CAND2: variants seen among roughly 807,000 people sequenced by gnomAD.
The protein encoded by CAND2 is cullin-associated NEDD8-dissociated protein 2.
A neutral mutation model predicts 98.9 loss-of-function variants in CAND2; 62 were observed. The ratio of observed to expected loss-of-function variants is 0.63; its 90% CI spans 0.51 to 0.77. The LOEUF is 0.77. Among genes scored for constraint, CAND2 ranks in the 30% least tolerant of loss-of-function variants. The pLI is 0.00. For missense variants in CAND2, 1,501 were observed against 1,655.2 expected (o/e 0.91, Z 1.62); for synonymous variants, 770 against 731.9 (o/e 1.05, Z -0.84).
chr3:12,807,355 G>A lies in CAND2; in HGVS notation c.262G>A (p.Val88Met). The change falls in exon 3 of 15, where the codon GTG becomes ATG. Residue 88 changes from valine to methionine, a missense_variant. Val to Met is a conservative substitution (Grantham distance 21). This residue lies in a region of CAND2 where 1,427 missense variants were observed against 1,545.3 expected (regional missense o/e 0.92). Coordinates refer to ENST00000456430, the MANE Select transcript of CAND2 (RefSeq NM_001162499.2). ...KVKEYQVETIVDTLCTNMRSD... is the reference protein window; with the variant it reads ...KVKEYQVETIMDTLCTNMRSD... ...GAAGGAGTACCAGGTGGAGACCATTGTGGACACCCTGTGCACCAACATGCG... is the reference window on the plus strand; with the variant it reads ...GAAGGAGTACCAGGTGGAGACCATTATGGACACCCTGTGCACCAACATGCG... The A allele has an allele frequency of 1.3e-6, 2 of 1,551,684 alleles. No individual in the cohort carries two copies. Among genetic ancestry groups the A allele is most frequent in the Non-Finnish European group, 1.7e-6 (2 of 1,146,978 alleles).
chr3:12,813,131 G>A (rs1161611591), intron 6 of CAND2, 36 bp downstream of exon 6: 5 of 1,567,838 alleles, frequency 3.2e-6, no homozygotes, highest in East Asian at 4.7e-5. Flanking sequence ...ATCCCTTTGG[G>A]AAGTTGGTGG....
chr3:12,808,647 CTG>C (rs1016673016), intron 4 of CAND2, among the ~76,000 whole-genome samples: 2 of 152,158 alleles, frequency 1.3e-5, no homozygotes, highest in African/African-American at 4.8e-5. Context: ...ATGTATAAAA[CTG>C]TGAATGGAGT....
At position 12,820,161 on chromosome 3, in the gene CAND2, C is replaced by A. The variant is rs201112382; in HGVS notation, c.3020C>A (p.Pro1007His). 1 of 1,614,064 alleles carries A rather than the reference C, an allele frequency of 6.2e-7. No homozygotes were observed. The highest frequency in any genetic ancestry group is 1.1e-5 in the South Asian group (1 of 91,084). ...LISDQPHPID[P>H]LLKSFIGEFM... The stretch of plus-strand genomic sequence containing the variant: ...TCGGACCAGCCCCATCCCATTGACC[C>A]CCTCCTGAAGAGCTTCATCGGTGAG... Residue 1007 changes from proline to histidine, a missense_variant, in exon 11 of 15, where the codon CCC becomes CAC. By Grantham distance (77) the Pro-to-His change is moderately conservative. This residue lies in a region of CAND2 where 1,427 missense variants were observed against 1,545.3 expected (regional missense o/e 0.92). Transcript: ENST00000456430.
At position 12,833,736 on chromosome 3, in the gene CAND2, C is replaced by A. The variant is rs2062074491; in HGVS notation, c.3484-19C>A. On this transcript the variant is annotated intron_variant, in intron 14 of 14. Transcript: ENST00000456430. The stretch of plus-strand genomic sequence containing the variant: ...CAGGCTCAATAAAGGATGGCTGCTT[C>A]TGCTGTTTCCTACTTTAGGTCAAAG... The A allele has an allele frequency of 6.2e-7, 1 of 1,603,902 alleles. No homozygotes were observed. Among genetic ancestry groups the A allele is most frequent in the East Asian group, 2.2e-5 (1 of 44,754 alleles).
Position 12,817,849 on chromosome 3 carries a change from C to A in CAND2, c.2917C>A (p.Pro973Thr). 6.6e-7 allele frequency: 1 copy of A among 1,507,196 alleles called. No individual in the cohort carries two copies. Among genetic ancestry groups the A allele is most frequent in the Admixed American group, 2.3e-5 (1 of 43,152 alleles). 93.4% of individuals were successfully genotyped at this position (1,507,196 alleles called of 1,614,324 possible). A position where few individuals can be genotyped will look rare whatever the true frequency, so the allele number is the denominator to read the frequency against. Residue 973 changes from proline to threonine, a missense_variant, in exon 10 of 15, where the codon CCC (proline) becomes ACC (threonine). By Grantham distance (38) the Pro-to-Thr change is conservative. Coordinates refer to ENST00000456430, the MANE Select transcript of CAND2 (RefSeq NM_001162499.2). Reference sequence around the variant, plus strand: ...CCTTGTGAACCCTTCGTTCCTTCTGCCCCGCTTGCGGAAGCAGCTTGCTGC... The same window carrying A: ...CCTTGTGAACCCTTCGTTCCTTCTGACCCGCTTGCGGAAGCAGCTTGCTGC... Reference protein sequence around the residue: ...LVLVNPSFLLPRLRKQLAAGR... With the variant: ...LVLVNPSFLLTRLRKQLAAGR...
intron 7 of CAND2, among the ~76,000 whole-genome samples, chr3:12,814,593 A>G (rs2061881170): frequency 6.6e-6 from 1 of 152,180 alleles, no homozygotes; most frequent in African/African-American, 2.4e-5. Context: ...TGAGAGGCAG[A>G]GATCGGGGGA....
chr3:12,831,000 T>C lies in CAND2; in HGVS notation c.3376-465T>C, dbSNP rs1248279191. 3.4e-5 allele frequency among the ~76,000 whole-genome samples: 5 copies of C among 148,008 alleles called. 1 individual carries two copies. Among genetic ancestry groups the C allele is most frequent in the Non-Finnish European group, 7.4e-5 (5 of 67,536 alleles). On this transcript the variant is annotated intron_variant, in intron 13 of 14. Transcript: ENST00000456430. Reference sequence around the variant, plus strand: ...CAGGCTGAATCTAGGCCTGCAGCCATGTTTAGTTGTTGTTAAAAGTTTTTG... The same window carrying C: ...CAGGCTGAATCTAGGCCTGCAGCCACGTTTAGTTGTTGTTAAAAGTTTTTG...
intron 5 of CAND2, among the ~76,000 whole-genome samples, 181 bp downstream of exon 5, chr3:12,810,505 G>C (rs991128435): frequency 6.6e-6 from 1 of 152,170 alleles, no homozygotes; most frequent in Non-Finnish European, 1.5e-5. Flanking sequence ...GGCCTGGGGC[G>C]GGCGGCTGAA....
chr3:12,804,189 C>T (rs911679507), intron 2 of CAND2, among the ~76,000 whole-genome samples: 1 of 152,114 alleles, frequency 6.6e-6, no homozygotes, highest in African/African-American at 2.4e-5. Context: ...TGCGGTGGCT[C>T]ATGCCTGTAA....
In CAND2 at chr3:12,819,448, T is replaced by G. The variant is rs78074301; in HGVS notation, c.2945-638T>G. On this transcript the variant is annotated intron_variant, in intron 10 of 14. Coordinates refer to ENST00000456430, the MANE Select transcript of CAND2 (RefSeq NM_001162499.2). ...GCGTCCACCCATTCGTTTCCTTCAT[T>G]AAGGGAATGTACTTCCCCTCTTTAC... is the stretch of plus-strand genomic sequence containing the variant. Among the ~76,000 whole-genome samples the G allele has an allele frequency of 0.018, 2,740 of 152,290 alleles. 257 individuals carry two copies. The East Asian group carries it at 0.3, about 17-fold the overall frequency.
intron 1 of CAND2, among the ~76,000 whole-genome samples, chr3:12,799,269 C>G (rs1427141097): frequency 6.6e-6 from 1 of 151,948 alleles, no homozygotes; most frequent in Non-Finnish European, 1.5e-5. Context: ...TGAGGTAGGG[C>G]AAAGAAAAGT....
At chr3:12,831,257 C>T (rs1670559894) in intron 13 of CAND2, among the ~76,000 whole-genome samples, 1 of 152,132 alleles carries the variant, frequency 6.6e-6, no homozygotes, top group Non-Finnish European at 1.5e-5. Context: ...TTTTCTGATC[C>T]TCCTTGGGTC....
In CAND2 at chr3:12,813,069, C is replaced by T. The variant is rs1322877907; in HGVS notation, c.837C>T (p.Leu279=). 6.3e-7 allele frequency: 1 copy of T among 1,581,334 alleles called. No individual in the cohort carries two copies. The highest frequency in any genetic ancestry group is 8.6e-7 in the Non-Finnish European group (1 of 1,163,908). The part of the protein sequence containing the change: ...LDDDELRESC[L]QAFEAFLRKC... ...ATGATGAGCTCCGGGAGTCCTGCCTCCAGGCTTTTGAGGCCTTCTTGAGGA... is the reference window on the plus strand; with the variant it reads ...ATGATGAGCTCCGGGAGTCCTGCCTTCAGGCTTTTGAGGCCTTCTTGAGGA... Residue 279 remains leucine (L), a synonymous_variant, in exon 6 of 15, where the codon CTC becomes CTT. Coordinates refer to ENST00000456430, the MANE Select transcript of CAND2 (RefSeq NM_001162499.2).
Position 12,796,909 on chromosome 3 carries a change from C to G in CAND2, c.68+121C>G, listed in dbSNP as rs544533449. The G allele has an allele frequency of 7.2e-5, 59 of 815,928 alleles. No individual in the cohort carries two copies. In the East Asian group the frequency reaches 1.4e-3, roughly 19 times the overall value. 50.5% of individuals were successfully genotyped at this position (815,928 alleles called of 1,614,324 possible). ...CAGCCCCCTGCCTCTTCTCTCTTCT[C>G]CCTGCATTAAGCTGCCCCCCTCCCC... On this transcript the variant is annotated intron_variant, in intron 1 of 14. Transcript: ENST00000456430.
At chr3:12,810,617 C>T (rs75836568) in intron 5 of CAND2, among the ~76,000 whole-genome samples, 3,469 of 152,294 alleles carry the variant, frequency 0.023, 123 homozygotes, top group African/African-American at 0.077. Flanking sequence ...TGAGTGCAGA[C>T]GGTTCAGAGA....
chr3:12,823,851 T>G (rs2061979159), intron 11 of CAND2, among the ~76,000 whole-genome samples: 1 of 152,222 alleles, frequency 6.6e-6, no homozygotes, highest in Non-Finnish European at 1.5e-5. Context: ...GAGCTGAGAT[T>G]GTGCCACTGT....
intron 11 of CAND2, among the ~76,000 whole-genome samples, chr3:12,825,064 A>G (rs977021516): frequency 6.6e-6 from 1 of 152,028 alleles, no homozygotes; most frequent in African/African-American, 2.4e-5. Context: ...GCTGTGTGCC[A>G]GGCACTCTGC....
chr3:12,811,902 TTC>T (rs147573396), intron 5 of CAND2, among the ~76,000 whole-genome samples: 3,194 of 150,194 alleles, frequency 0.021, 92 homozygotes, highest in African/African-American at 0.072. Flanking sequence ...CTTTTTTAAC[TTC>T]TTTTTTTTTT....
At chr3:12,808,940 A>G (rs2061828759) in intron 4 of CAND2, among the ~76,000 whole-genome samples, 2 of 152,100 alleles carry the variant, frequency 1.3e-5, no homozygotes, top group Non-Finnish European at 2.9e-5. Context: ...GCTGAGGTGC[A>G]GGGCTGGCCA....
Sources: allele counts gnomAD v4.1 joint callset (sites outside exome capture counted in the v4.1 genomes callset), GRCh38; gene constraint gnomAD v4.1.1; regional missense constraint gnomAD v4.1.1; transcripts MANE v1.5; gene names NCBI Gene and HGNC (gene_info 2026-07-23, HGNC 2026-07-21).